The following GPBP1 variants were observed in gnomAD, a reference collection of about 807,000 sequenced individuals.
The protein encoded by GPBP1 is GC-rich promoter binding protein 1, also known as vasculin.
In GPBP1, 13 loss-of-function variants were observed where a neutral mutation model predicts 56.5. The ratio of observed to expected loss-of-function variants is 0.23; its 90% CI spans 0.15 to 0.37. GPBP1 has a LOEUF of 0.37. Ranked by LOEUF, GPBP1 falls within the 10% of genes least tolerant of loss-of-function variation. GPBP1 has a pLI of 1.00. For synonymous variants in GPBP1, 204 were observed against 188.9 expected (o/e 1.08, Z -0.66); for missense variants, 477 against 572.3 (o/e 0.83, Z 1.70).
intron 6 of GPBP1, chr5:57,237,268 A>G: frequency 1.2e-6 from 1 of 861,088 alleles, no homozygotes; most frequent in Non-Finnish European, 1.9e-6. Context: ...CTAAGAAATT[A>G]GGAATAATTT....
intron 6 of GPBP1, among the ~76,000 whole-genome samples, chr5:57,242,525 G>A (rs1457519216): frequency 6.6e-6 from 1 of 152,074 alleles, no homozygotes; most frequent in African/African-American, 2.4e-5. Flanking sequence ...TCAGAGTCTT[G>A]CCCTCTCCCC....
At chr5:57,249,144 T>C (rs1422139492) in intron 8 of GPBP1, 3 of 310,114 alleles carry the variant, frequency 9.7e-6, no homozygotes, top group Non-Finnish European at 1.2e-5. Flanking sequence ...AATTCTAGGA[T>C]GCATTTATAA....
intron 2 of GPBP1, among the ~76,000 whole-genome samples, chr5:57,201,501 G>GATAAT (rs1755022422): frequency 6.6e-6 from 1 of 152,112 alleles, no homozygotes; most frequent in East Asian, 1.9e-4. Flanking sequence ...AGTTCTTTTT[G>GATAAT]ATAATATAAT....
At chr5:57,220,664 T>C (rs1479551154) in intron 3 of GPBP1, among the ~76,000 whole-genome samples, 1 of 152,106 alleles carries the variant, frequency 6.6e-6, no homozygotes, top group Admixed American at 6.6e-5. Flanking sequence ...TTCATCATAT[T>C]GTCCAGGCTG....
At chr5:57,241,364 A>G in intron 6 of GPBP1, among the ~76,000 whole-genome samples, 1 of 152,224 alleles carries the variant, frequency 6.6e-6, no homozygotes, top group East Asian at 1.9e-4. Flanking sequence ...AAGAAAACTA[A>G]TTCTTACATT....
rs1183391486 is a variant in GPBP1 at position 57,264,579 on chromosome 5, A to G, written c.*1827A>G. The G allele has an allele frequency of 6.6e-6, 1 of 152,042 alleles. No homozygotes were observed. Among genetic ancestry groups the G allele is most frequent in the African/African-American group, 2.4e-5 (1 of 41,408 alleles). The allele number at this position is 152,042 out of a possible 1,614,324, so 9.4% of individuals were successfully genotyped here. ...CTCAGTTTTTTCTGCCTTAATTCCC[A>G]TTTACCAGCAGTTAACTCATGTTTA... On this transcript the variant is annotated 3_prime_UTR_variant, in exon 12 of 12. Transcript: ENST00000506184.
chr5:57,221,650 A>G (rs1001307549), intron 3 of GPBP1, among the ~76,000 whole-genome samples: 2 of 152,180 alleles, frequency 1.3e-5, no homozygotes, highest in African/African-American at 2.4e-5. Context: ...ATACATTTTC[A>G]TGTTTGTATT....
At chr5:57,226,757 T>TG (rs1756216368) in intron 3 of GPBP1, among the ~76,000 whole-genome samples, 1 of 93,092 alleles carries the variant, frequency 1.1e-5, no homozygotes, top group Admixed American at 1.2e-4. Context: ...TTTTTTTTTT[T>TG]GAGACAGAAT....
At chr5:57,261,393 C>A in intron 11 of GPBP1, 111 bp downstream of exon 11, 1 of 640,354 alleles carries the variant, frequency 1.6e-6, no homozygotes. Context: ...CACGATAGGT[C>A]AGAATTGCTT....
Position 57,214,065 on chromosome 5 carries a change from A to C in GPBP1, c.-57-9A>C, listed in dbSNP as rs898900845. ...TGCAGGTCTAATTCCTTCCATTTTT[A>C]TGTGACAGGGACTTGCCATGAGGTG... On this transcript the variant is annotated splice_polypyrimidine_tract_variant and intron_variant, in intron 2 of 11. Transcript: ENST00000506184. 2 of 1,342,302 alleles carry C rather than the reference A, an allele frequency of 1.5e-6. No homozygotes were observed. The highest frequency in any genetic ancestry group is 2.1e-6 in the Non-Finnish European group (2 of 937,298). The allele number at this position is 1,342,302 out of a possible 1,614,324, so 83.1% of individuals were successfully genotyped here.
chr5:57,175,090 TG>T (rs1229743690), intron 1 of GPBP1, among the ~76,000 whole-genome samples: 1 of 152,258 alleles, frequency 6.6e-6, no homozygotes, highest in Admixed American at 6.5e-5. Context: ...CGAAGAGGGT[TG>T]GAGATCTTTT....
At chr5:57,192,056 A>C (rs1754550733) in intron 2 of GPBP1, among the ~76,000 whole-genome samples, 3 of 152,186 alleles carry the variant, frequency 2.0e-5, no homozygotes, top group Non-Finnish European at 4.4e-5. Flanking sequence ...TCTATGTAAG[A>C]AAAACATGTT....
intron 10 of GPBP1, among the ~76,000 whole-genome samples, chr5:57,255,414 A>G (rs1357939195): frequency 1.3e-5 from 2 of 152,340 alleles, no homozygotes; most frequent in East Asian, 3.9e-4. Context: ...CTGCCATGTT[A>G]CCCAAAAACA....
At chr5:57,213,643 A>T (rs553401698) in intron 2 of GPBP1, among the ~76,000 whole-genome samples, 82 of 152,272 alleles carry the variant, frequency 5.4e-4, no homozygotes, top group African/African-American at 1.9e-3. Flanking sequence ...TGGTAGTTAA[A>T]TCAGATTTCA....
chr5:57,230,715 C>T (rs1409854561), intron 3 of GPBP1, 131 bp from the exon 4 acceptor site: 1 of 784,404 alleles, frequency 1.3e-6, no homozygotes, highest in African/African-American at 1.8e-5. Flanking sequence ...TATCAAATAC[C>T]TTGAAAATAA....
chr5:57,208,649 G>C (rs901271876), intron 2 of GPBP1, among the ~76,000 whole-genome samples: 194 of 137,314 alleles, frequency 1.4e-3, no homozygotes, highest in Non-Finnish European at 2.1e-3. Context: ...TCTGTCTTTT[G>C]TTTTTCTTTT....
intron 2 of GPBP1, among the ~76,000 whole-genome samples, chr5:57,182,842 C>T (rs923312500): frequency 7.2e-5 from 11 of 152,134 alleles, no homozygotes; most frequent in Non-Finnish European, 1.5e-4. Context: ...TGTCACCATG[C>T]TCGGCTAATT....
chr5:57,247,027 CT>C (rs1216468000), intron 7 of GPBP1, 47 bp from the exon 8 acceptor site: 1 of 1,560,328 alleles, frequency 6.4e-7, no homozygotes, highest in Non-Finnish European at 8.7e-7. Flanking sequence ...TGTCTTTCTC[CT>C]GTAACCTGTT....
At chr5:57,254,944 A>G (rs1215120095) in intron 10 of GPBP1, among the ~76,000 whole-genome samples, 3 of 152,240 alleles carry the variant, frequency 2.0e-5, no homozygotes. Context: ...CACATAATAC[A>G]GTTTATGACT....
Sources: gnomAD v4.1 joint callset for allele counts (sites outside exome capture counted in the v4.1 genomes callset) on GRCh38, gnomAD v4.1.1 for gene constraint, MANE v1.5 for transcripts, NCBI Gene and HGNC (gene_info 2026-07-23, HGNC 2026-07-21) for gene names.